Variants in CSMD1 observed in about 807,000 individuals in gnomAD.
The protein encoded by CSMD1 is CUB and Sushi multiple domains 1, also known as CUB and sushi domain-containing protein 1.
Under a neutral mutation model 417.5 loss-of-function variants are expected in CSMD1, and 213 were observed. That is an observed-to-expected ratio of 0.51 (90% CI 0.46 to 0.57). The LOEUF is 0.57. Ranked by LOEUF, CSMD1 falls within the 20% of genes least tolerant of loss-of-function variation. The pLI is 0.00. For synonymous variants in CSMD1, 2,862 were observed against 1,736.8 expected, an observed-to-expected ratio of 1.65 and a Z score of -16.11; for missense variants, 6,923 against 4,529.7, an observed-to-expected ratio of 1.53 and a Z score of -15.17.
intron 2 of CSMD1, among the ~76,000 whole-genome samples, chr8:4,522,860 C>G (rs975834555): frequency 9.2e-5 from 14 of 152,154 alleles, no homozygotes; most frequent in African/African-American, 3.4e-4. Flanking sequence ...GAACCATGCC[C>G]TGGCTACGTG....
At chr8:4,420,568 G>A (rs185445498) in intron 2 of CSMD1, among the ~76,000 whole-genome samples, 201 of 152,176 alleles carry the variant, frequency 1.3e-3, no homozygotes, top group Admixed American at 0.011. Flanking sequence ...GGTAAAGCAT[G>A]TGAATGTGTG....
At chr8:3,473,325 C>T (rs986698038) in intron 11 of CSMD1, among the ~76,000 whole-genome samples, 1 of 152,106 alleles carries the variant, frequency 6.6e-6, no homozygotes, top group African/African-American at 2.4e-5. Flanking sequence ...GAATTTAAGC[C>T]TGCTATGTGA....
intron 12 of CSMD1, among the ~76,000 whole-genome samples, chr8:3,431,505 C>A (rs902353034): frequency 6.6e-6 from 1 of 152,148 alleles, no homozygotes; most frequent in African/African-American, 2.4e-5. Context: ...TGACCCATCC[C>A]ATCCCCATGC....
At position 3,531,880 on chromosome 8, in the gene CSMD1, C is replaced by T. The variant is rs114467847; in HGVS notation, c.1345-38154G>A. On this transcript the variant is annotated intron_variant, in intron 10 of 69. Transcript: ENST00000635120. The stretch of plus-strand genomic sequence containing the variant: ...AGGCCGGTCCACCATGGGGCCCCAC[C>T]TCTCCCCTAATCAGCACATGCACAG... Among the ~76,000 whole-genome samples, 464 of 152,244 alleles carry T rather than the reference C, an allele frequency of 3.0e-3. 4 individuals carry two copies. Among genetic ancestry groups the T allele is most frequent in the African/African-American group, 1.0e-2 (414 of 41,538 alleles).
intron 1 of CSMD1, among the ~76,000 whole-genome samples, chr8:4,755,320 T>C (rs940624504): frequency 1.3e-5 from 2 of 152,234 alleles, no homozygotes; most frequent in African/African-American, 4.8e-5. Context: ...GACAATCTTA[T>C]GTTCACTTTT....
chr8:3,805,833 T>G (rs1800703985), intron 5 of CSMD1, among the ~76,000 whole-genome samples: 1 of 152,150 alleles, frequency 6.6e-6, no homozygotes, highest in South Asian at 2.1e-4. Context: ...CTTTTCAACT[T>G]CCTTTATGAC....
intron 5 of CSMD1, among the ~76,000 whole-genome samples, chr8:3,832,175 AG>A (rs1299893979): frequency 6.6e-6 from 1 of 152,204 alleles, no homozygotes; most frequent in African/African-American, 2.4e-5. Context: ...AAAGGCAAAC[AG>A]CCGTGGAGGC....
chr8:4,063,905 T>C (rs1799108965), intron 3 of CSMD1, among the ~76,000 whole-genome samples: 1 of 152,210 alleles, frequency 6.6e-6, no homozygotes, highest in African/African-American at 2.4e-5. Flanking sequence ...TCGTGCACAA[T>C]GATGTAGGTG....
At chr8:4,170,071 G>A (rs1797684981) in intron 3 of CSMD1, among the ~76,000 whole-genome samples, 1 of 151,798 alleles carries the variant, frequency 6.6e-6, no homozygotes, top group Non-Finnish European at 1.5e-5. Flanking sequence ...GTAAGGAATT[G>A]TGGGTGAGTC....
intron 12 of CSMD1, among the ~76,000 whole-genome samples, chr8:3,434,907 G>T (rs1045325706): frequency 6.6e-6 from 1 of 152,208 alleles, no homozygotes; most frequent in Admixed American, 6.5e-5. Flanking sequence ...CTTGTGATTG[G>T]TTTAAGTCAA....
chr8:4,628,433 T>G (rs1247173305), intron 2 of CSMD1, among the ~76,000 whole-genome samples: 1 of 67,472 alleles, frequency 1.5e-5, no homozygotes, highest in East Asian at 4.6e-4. Flanking sequence ...TATATACACA[T>G]ATACACATAT....
At chr8:3,770,347 G>A (rs184956304) in intron 5 of CSMD1, among the ~76,000 whole-genome samples, 1 of 152,220 alleles carries the variant, frequency 6.6e-6, no homozygotes, top group East Asian at 1.9e-4. Flanking sequence ...TGTCCTATGT[G>A]GTGAAACCCC....
chr8:4,612,159 T>A (rs1373969348), intron 2 of CSMD1, among the ~76,000 whole-genome samples: 2 of 152,092 alleles, frequency 1.3e-5, no homozygotes, highest in East Asian at 1.9e-4. Context: ...TCGGAGACGG[T>A]CGGTGGCTTG....
At chr8:4,155,732 C>T (rs1251443755) in intron 3 of CSMD1, among the ~76,000 whole-genome samples, 1 of 152,104 alleles carries the variant, frequency 6.6e-6, no homozygotes, top group East Asian at 1.9e-4. Flanking sequence ...CAGAAACATT[C>T]CTCCGTGTCA....
rs565127870 is a variant in CSMD1 at position 4,898,988 on chromosome 8, A to C, written c.85+95344T>G. On this transcript the variant is annotated intron_variant, in intron 1 of 69. Transcript: ENST00000635120. ...TTTTAATATTACGGTAATGATATCT[A>C]CTTAAAAATAGAAAAGTGAGAGTTT... 7.9e-5 allele frequency among the ~76,000 whole-genome samples: 12 copies of C among 152,318 alleles called. No homozygotes were observed. The South Asian group carries it at 1.9e-3, about 24-fold the overall frequency.
chr8:3,278,857 G>A (rs1156566318), intron 26 of CSMD1: 7 of 152,206 alleles, frequency 4.6e-5, no homozygotes, highest in African/African-American at 1.4e-4. Context: ...CCAGTGAGGG[G>A]ACGAATGTGG....
At chr8:4,030,029 A>G (rs1262189417) in intron 4 of CSMD1, among the ~76,000 whole-genome samples, 3 of 152,340 alleles carry the variant, frequency 2.0e-5, no homozygotes, top group Admixed American at 6.5e-5. Context: ...GGTGAGCTCC[A>G]ACAGTCTTGG....
intron 1 of CSMD1, among the ~76,000 whole-genome samples, chr8:4,764,922 G>A (rs34522868): frequency 0.4 from 56,514 of 142,804 alleles, 12,072 homozygotes; most frequent in East Asian, 0.57. Flanking sequence ...AACCTTTGCT[G>A]AGGATGGTTA....
intron 3 of CSMD1, among the ~76,000 whole-genome samples, chr8:4,230,571 T>A (rs1048216214): frequency 1.3e-5 from 2 of 152,182 alleles, no homozygotes; most frequent in Non-Finnish European, 2.9e-5. Context: ...AGTCCAATCA[T>A]AAAACACATC....
Sources: allele counts gnomAD v4.1 joint callset (sites outside exome capture counted in the v4.1 genomes callset), GRCh38; gene constraint gnomAD v4.1.1; transcripts MANE v1.5; gene names NCBI Gene and HGNC (gene_info 2026-07-23, HGNC 2026-07-21).